PRDM1: variants seen among roughly 807,000 people sequenced by gnomAD.
The protein encoded by PRDM1 is PR domain zinc finger protein 1.
In PRDM1, 13 loss-of-function variants were observed where a neutral mutation model predicts 62.8. The observed-to-expected ratio is 0.21, with a 90% confidence interval of 0.13 to 0.33. The LOEUF (loss-of-function observed/expected upper bound fraction) is 0.33. PRDM1 is among the 10% of genes least tolerant of loss of function. The probability of loss-of-function intolerance (pLI) is 1.00; values close to 1 mark genes in which losing one functional copy is unlikely to be tolerated. For synonymous variants in PRDM1, 396 were observed against 417.6 expected (o/e 0.95, Z 0.63); for missense variants, 895 against 1,058.8 (o/e 0.85, Z 2.15).
chr6:106,086,495 C>A lies in PRDM1; in HGVS notation c.-59C>A. 2 of 1,507,954 alleles carry A rather than the reference C, an allele frequency of 1.3e-6. No homozygotes were observed. Among genetic ancestry groups the A allele is most frequent in the Non-Finnish European group, 1.8e-6 (2 of 1,110,360 alleles). 93.4% of individuals were successfully genotyped at this position (1,507,954 alleles called of 1,614,324 possible). On this transcript the variant is annotated 5_prime_UTR_variant, in exon 1 of 7. Coordinates refer to ENST00000369096, the MANE Select transcript of PRDM1 (RefSeq NM_001198.4). ...CGAGGTGCGCGTCTGTGCGGCTCAG[C>A]CTGGCGGGGGACGCGGGGAGAATGT... is the stretch of plus-strand genomic sequence containing the variant.
rs1164489330 is a variant in PRDM1 at position 106,099,791 on chromosome 6, TG to T, written c.664+240del. The stretch of plus-strand genomic sequence containing the variant: ...GCTACCTTGAGTTTTGAATTCAGGA[TG>T]TTACAGGAAGAAATATATGTCCAAT... On this transcript the variant is annotated intron_variant, in intron 4 of 6. Transcript: ENST00000369096. 5.7e-6 allele frequency: 3 copies of T among 530,302 alleles called. No individual in the cohort carries two copies. In the African/African-American group the frequency reaches 5.7e-5, roughly 10 times the overall value. The allele number at this position is 530,302 out of a possible 1,614,324, so 32.8% of individuals were successfully genotyped here. A position where few individuals can be genotyped will look rare whatever the true frequency, so the allele number is the denominator to read the frequency against.
chr6:106,042,085 G>A lies in PRDM1; in HGVS notation c.-66-46116G>A, dbSNP rs148224241. Among the ~76,000 whole-genome samples the A allele has an allele frequency of 9.4e-3, 1,419 of 151,426 alleles. 24 individuals are homozygous for A. The highest frequency in any genetic ancestry group is 0.033 in the African/African-American group (1,348 of 41,394). ...AGCTGCCCAAAGTGCTGGGATTACA[G>A]GCATGAGCCACCATGCCCAGCCCCT... On this transcript the variant is annotated intron_variant, in intron 1 of 6. Coordinates refer to the PRDM1 transcript ENST00000652320.
In PRDM1 at chr6:106,004,691, C is replaced by T. The variant is rs78236541; in HGVS notation, c.-67+11052C>T. ...TGAGGCGGGATAGTAATGGTGATAA[C>T]GGTATGTATGACACATGCTGTTATG... is the stretch of plus-strand genomic sequence containing the variant. On this transcript the variant is annotated intron_variant, in intron 1 of 6. Transcript: ENST00000652320. 8.3e-3 allele frequency among the ~76,000 whole-genome samples: 1,255 copies of T among 152,068 alleles called. 21 individuals carry two copies. The highest frequency in any genetic ancestry group is 0.029 in the African/African-American group (1,208 of 41,484).
At chr6:106,058,379 C>A (rs1183995667) in intron 1 of PRDM1, among the ~76,000 whole-genome samples, 3 of 152,134 alleles carry the variant, frequency 2.0e-5, no homozygotes, top group Non-Finnish European at 4.4e-5. Context: ...TAATCCCATA[C>A]ACAAGAGCTC....
chr6:106,019,725 C>T (rs1772670224), intron 1 of PRDM1, among the ~76,000 whole-genome samples: 1 of 150,776 alleles, frequency 6.6e-6, no homozygotes, highest in Admixed American at 6.6e-5. Flanking sequence ...ACTGCAACCT[C>T]TGCCTCCTGG....
chr6:106,051,528 TA>T (rs1773174650), intron 1 of PRDM1, among the ~76,000 whole-genome samples: 1 of 152,248 alleles, frequency 6.6e-6, no homozygotes, highest in African/African-American at 2.4e-5. Context: ...GATCACAGGG[TA>T]GCTGACCTGA....
chr6:106,003,007 TG>T (rs1772444864), intron 1 of PRDM1, among the ~76,000 whole-genome samples: 1 of 35,106 alleles, frequency 2.8e-5, no homozygotes, highest in Admixed American at 2.7e-4. Flanking sequence ...TGATTATTTT[TG>T]TTCTTTTTCT....
At chr6:106,033,941 G>A (rs527449174) in intron 1 of PRDM1, among the ~76,000 whole-genome samples, 7 of 151,884 alleles carry the variant, frequency 4.6e-5, no homozygotes, top group Non-Finnish European at 1.0e-4. Flanking sequence ...CTAGTTATAG[G>A]TCTCTTCAAA....
At chr6:106,038,936 TC>T (rs897206080) in intron 1 of PRDM1, among the ~76,000 whole-genome samples, 2 of 152,326 alleles carry the variant, frequency 1.3e-5, no homozygotes, top group African/African-American at 4.8e-5. Flanking sequence ...CTTTCCAGAA[TC>T]CTCTCTCCCA....
chr6:106,075,910 A>G (rs1303452518), intron 1 of PRDM1, among the ~76,000 whole-genome samples: 1 of 152,038 alleles, frequency 6.6e-6, no homozygotes, highest in Non-Finnish European at 1.5e-5. Context: ...GGAAGTTGGT[A>G]TAAGACCATA....
chr6:105,992,893 A>C (rs546220873), upstream of PRDM1, among the ~76,000 whole-genome samples: 8 of 152,176 alleles, frequency 5.3e-5, no homozygotes, highest in Non-Finnish European at 1.2e-4. Context: ...GTGTCTCCAG[A>C]TGGGCCCAGG....
chr6:106,088,042 A>T (rs1773856389), intron 1 of PRDM1, 159 bp from the exon 2 acceptor site: 1 of 516,058 alleles, frequency 1.9e-6, no homozygotes, highest in Non-Finnish European at 2.8e-6. Context: ...TTTTCAAGGC[A>T]GTTTACTTTA....
At chr6:106,028,674 TTTGA>T (rs1438827566) in intron 1 of PRDM1, among the ~76,000 whole-genome samples, 1 of 152,212 alleles carries the variant, frequency 6.6e-6, no homozygotes, top group Non-Finnish European at 1.5e-5. Flanking sequence ...AAGTGTATAG[TTTGA>T]TACATTTTGA....
intron 1 of PRDM1, among the ~76,000 whole-genome samples, chr6:106,041,343 A>G (rs547321597): frequency 2.6e-5 from 4 of 152,224 alleles, no homozygotes; most frequent in African/African-American, 9.6e-5. Flanking sequence ...TGAGTCACTT[A>G]AGGAAGATTC....
At chr6:105,993,438 T>C (rs372064065), upstream of PRDM1, among the ~76,000 whole-genome samples, 21 of 152,362 alleles carry the variant, frequency 1.4e-4, no homozygotes, top group East Asian at 2.5e-3. Flanking sequence ...AATCAGAGAC[T>C]GATTGTAGCT....
At chr6:106,016,952 G>A (rs1041920582) in intron 1 of PRDM1, among the ~76,000 whole-genome samples, 14 of 152,056 alleles carry the variant, frequency 9.2e-5, no homozygotes, top group African/African-American at 2.7e-4. Flanking sequence ...GTGCCTGGCC[G>A]CACAGATGTT....
intron 1 of PRDM1, among the ~76,000 whole-genome samples, chr6:106,078,945 T>A (rs979002431): frequency 1.3e-5 from 2 of 151,538 alleles, no homozygotes; most frequent in Non-Finnish European, 2.9e-5. Context: ...TTTAAAAAAA[T>A]TATTATTATT....
chr6:106,099,639 C>A, intron 4 of PRDM1, 87 bp downstream of exon 4: 1 of 1,527,100 alleles, frequency 6.5e-7, no homozygotes, highest in Non-Finnish European at 8.8e-7. Flanking sequence ...TTTAATTATA[C>A]GGCTTTGTCA....
At chr6:106,089,386 G>C (rs1472905037) in intron 2 of PRDM1, among the ~76,000 whole-genome samples, 4 of 152,042 alleles carry the variant, frequency 2.6e-5, no homozygotes, top group Non-Finnish European at 5.9e-5. Context: ...GTTGGCCGTA[G>C]AAATCCAGAA....
Sources: gnomAD v4.1 joint callset for allele counts (sites outside exome capture counted in the v4.1 genomes callset) on GRCh38, gnomAD v4.1.1 for gene constraint, MANE v1.5 for transcripts, NCBI Gene and HGNC (gene_info 2026-07-23, HGNC 2026-07-21) for gene names.